The following CCDC169 variants were observed in gnomAD, a reference collection of about 807,000 sequenced individuals.
The protein encoded by CCDC169 is coiled-coil domain containing 169, also known as coiled-coil domain-containing protein 169.
In CCDC169, 30 loss-of-function variants were observed where a neutral mutation model predicts 36.0. The observed-to-expected ratio is 0.83, with a 90% CI of 0.62 to 1.13. The LOEUF is 1.13. Ranked by LOEUF, CCDC169 falls within the 50% of genes most tolerant of loss-of-function variation. CCDC169 has a pLI of 0.00. For missense variants in CCDC169, 245 were observed against 245.9 expected (o/e 1.00, Z 0.03); for synonymous variants, 85 against 81.5 (o/e 1.04, Z -0.23).
chr13:36,227,336 C>T (rs753172923), downstream of CCDC169: 21 of 1,551,014 alleles, frequency 1.4e-5, no homozygotes, highest in South Asian at 2.5e-4. Context: ...CCAATGTCTC[C>T]AAGCAGCTGA....
intron 2 of CCDC169, 47 bp from the exon 3 acceptor site, chr13:36,283,749 C>T (rs1351976508): frequency 7.5e-7 from 1 of 1,325,922 alleles, no homozygotes; most frequent in Non-Finnish European, 1.1e-6. Flanking sequence ...CACCACCTCT[C>T]ATTTATTCAT....
At chr13:36,269,698 GAA>G (rs1171537605) in intron 4 of CCDC169, among the ~76,000 whole-genome samples, 1 of 152,192 alleles carries the variant, frequency 6.6e-6, no homozygotes, top group Non-Finnish European at 1.5e-5. Flanking sequence ...AACAGATGCA[GAA>G]AAAGCACTGG....
intron 4 of CCDC169, among the ~76,000 whole-genome samples, chr13:36,257,830 C>T (rs1303387920): frequency 1.3e-5 from 2 of 152,308 alleles, no homozygotes; most frequent in East Asian, 1.9e-4. Context: ...AGGGCTCAGT[C>T]ATTGTCTTAT....
At chr13:36,272,782 G>T (rs1876274497) in intron 4 of CCDC169, among the ~76,000 whole-genome samples, 1 of 152,128 alleles carries the variant, frequency 6.6e-6, no homozygotes. Context: ...CTCTGTGTCT[G>T]AAACTCCAAA....
chr13:36,226,904 A>G, downstream of CCDC169: 1 of 401,700 alleles, frequency 2.5e-6, no homozygotes, highest in Non-Finnish European at 4.4e-6. Context: ...TATACAATAT[A>G]CCACGATAGC....
chr13:36,244,234 A>C (rs936238525), intron 7 of CCDC169, among the ~76,000 whole-genome samples: 1 of 152,216 alleles, frequency 6.6e-6, no homozygotes, highest in Non-Finnish European at 1.5e-5. Flanking sequence ...AGTTCCCTAC[A>C]CAGATATAAA....
intron 1 of CCDC169, among the ~76,000 whole-genome samples, chr13:36,296,112 G>C (rs1879450684): frequency 6.6e-6 from 1 of 152,102 alleles, no homozygotes; most frequent in Non-Finnish European, 1.5e-5. Context: ...ATTTTTTTGA[G>C]ACAGAATCTC....
chr13:36,257,197 G>C (rs1463657680), intron 4 of CCDC169, among the ~76,000 whole-genome samples: 14 of 152,196 alleles, frequency 9.2e-5, no homozygotes. Flanking sequence ...CAATGCCTTG[G>C]GGGAGTGGAA....
intron 2 of CCDC169, among the ~76,000 whole-genome samples, chr13:36,289,029 T>C (rs1376979896): frequency 6.6e-6 from 1 of 152,168 alleles, no homozygotes; most frequent in Non-Finnish European, 1.5e-5. Context: ...AGCTATTTTA[T>C]ATATTAAGTT....
chr13:36,285,576 A>G (rs1352209737), intron 2 of CCDC169, among the ~76,000 whole-genome samples: 21 of 71,794 alleles, frequency 2.9e-4, no homozygotes, highest in Non-Finnish European at 5.7e-4. Flanking sequence ...TTCTCAAAAA[A>G]ATAAAATAAG....
intron 7 of CCDC169, among the ~76,000 whole-genome samples, chr13:36,233,245 A>G (rs1321515083): frequency 6.6e-6 from 1 of 152,150 alleles, no homozygotes; most frequent in Non-Finnish European, 1.5e-5. Context: ...GTCCACCCCA[A>G]CAAAGAATAC....
rs557036200 is a variant in CCDC169, at chr13:36,275,142, C to A, written c.315+8327G>T. ...TCGGCCTCCCAAAGTGCTGGGATTA[C>A]AGGCGTGAGCCACCGCGCTCGGCCT... On this transcript the variant is annotated intron_variant, in intron 4 of 7. Coordinates refer to ENST00000239859, the MANE Select transcript of CCDC169 (RefSeq NM_001144981.3). Among the ~76,000 whole-genome samples the A allele has an allele frequency of 2.1e-3, 316 of 152,116 alleles. 2 individuals carry two copies. Among genetic ancestry groups the A allele is most frequent in the Non-Finnish European group, 1.9e-3 (130 of 68,002 alleles).
intron 2 of CCDC169, among the ~76,000 whole-genome samples, chr13:36,291,598 T>A (rs1878906819): frequency 6.6e-6 from 1 of 152,202 alleles, no homozygotes; most frequent in African/African-American, 2.4e-5. Context: ...TCTTTATAAC[T>A]GTATCACTTC....
At chr13:36,276,882 A>G (rs1214579158) in intron 4 of CCDC169, among the ~76,000 whole-genome samples, 1 of 152,194 alleles carries the variant, frequency 6.6e-6, no homozygotes, top group Non-Finnish European at 1.5e-5. Flanking sequence ...GCTCTGTAAT[A>G]GAGCCTATTG....
At chr13:36,246,334 A>C (rs1249933699) in intron 7 of CCDC169, among the ~76,000 whole-genome samples, 1 of 152,238 alleles carries the variant, frequency 6.6e-6, no homozygotes, top group Non-Finnish European at 1.5e-5. Flanking sequence ...AAAAGAAATT[A>C]AAAGCACCAC....
Position 36,286,599 on chromosome 13 carries a change from G to T in CCDC169, c.164-2897C>A, listed in dbSNP as rs1387617706. Among the ~76,000 whole-genome samples, 9 of 152,212 alleles carry T rather than the reference G, an allele frequency of 5.9e-5. No homozygotes were observed. The East Asian group carries it at 1.5e-3, about 26-fold the overall frequency. On this transcript the variant is annotated intron_variant, in intron 2 of 7. Coordinates refer to ENST00000239859, the MANE Select transcript of CCDC169 (RefSeq NM_001144981.3). ...CGTGTGTGAGATCTTTGTGCACCCT[G>T]ATCTCTTTGTCTCTCTTTCTCTCTC...
chr13:36,227,368 C>A, downstream of CCDC169: 1 of 1,545,412 alleles, frequency 6.5e-7, no homozygotes, highest in South Asian at 1.2e-5. Context: ...TCCAATTCTT[C>A]TTTTAAGAGG....
chr13:36,278,625 T>TC (rs1877130936), intron 4 of CCDC169, among the ~76,000 whole-genome samples: 3 of 152,174 alleles, frequency 2.0e-5, no homozygotes, highest in Non-Finnish European at 4.4e-5. Context: ...CTTCCAGTTG[T>TC]CCCCCCATCC....
At chr13:36,291,019 CTG>C (rs1341448613) in intron 2 of CCDC169, among the ~76,000 whole-genome samples, 5 of 151,706 alleles carry the variant, frequency 3.3e-5, no homozygotes, top group Non-Finnish European at 7.4e-5. Flanking sequence ...CCTCAACAGA[CTG>C]AATGTATCCA....
Sources: allele counts gnomAD v4.1 joint callset (sites outside exome capture counted in the v4.1 genomes callset), GRCh38; gene constraint gnomAD v4.1.1; transcripts MANE v1.5; gene names NCBI Gene and HGNC (gene_info 2026-07-23, HGNC 2026-07-21).